The following CCBE1 variants were observed in gnomAD, a reference collection of about 807,000 sequenced individuals.
The protein encoded by CCBE1 is collagen and calcium binding EGF domains 1.
Under a neutral mutation model 50.0 loss-of-function variants are expected in CCBE1, and 37 were observed. The observed-to-expected ratio is 0.74, with a 90% CI of 0.57 to 0.97. The LOEUF (loss-of-function observed/expected upper bound fraction) is 0.97. Among genes scored for constraint, CCBE1 ranks in the 50% least tolerant of loss-of-function variants. The pLI is 0.00. For missense variants in CCBE1, 538 were observed against 523.8 expected (o/e 1.03, Z -0.26); for synonymous variants, 234 against 203.7 (o/e 1.15, Z -1.27).
chr18:59,655,075 G>A lies in CCBE1; in HGVS notation c.212+41554C>T, dbSNP rs1454297027. 8.8e-5 allele frequency among the ~76,000 whole-genome samples: 10 copies of A among 113,322 alleles called. No homozygotes were observed. In the East Asian group the frequency reaches 2.6e-3, roughly 29 times the overall value. 74.3% of individuals were successfully genotyped at this position (113,322 alleles called of 152,430 possible). A position where few individuals can be genotyped will look rare whatever the true frequency, so the allele number is the denominator to read the frequency against. On this transcript the variant is annotated intron_variant, in intron 2 of 10. Transcript: ENST00000439986. Reference sequence around the variant, plus strand: ...GCATTGCAGCCTGGGCGACACCACTGAGACTATGTCAAAAAAAAAAAAAAA... The same window carrying A: ...GCATTGCAGCCTGGGCGACACCACTAAGACTATGTCAAAAAAAAAAAAAAA...
rs768793994 is a variant in CCBE1 at position 59,534,035 on chromosome 18, G to A, written c.213-53797C>T. ...TTCCAAAGAAAAAAATTGACTTGGA[G>A]AATCCCCATAACCACCCTGTTCCTC... On this transcript the variant is annotated intron_variant, in intron 2 of 10. Transcript: ENST00000439986. Among the ~76,000 whole-genome samples the A allele has an allele frequency of 2.8e-4, 43 of 152,174 alleles. 1 individual carries two copies. The highest frequency in any genetic ancestry group is 5.4e-4 in the Non-Finnish European group (37 of 68,040).
chr18:59,504,790 C>T (rs1227882998), intron 2 of CCBE1, among the ~76,000 whole-genome samples: 2 of 152,092 alleles, frequency 1.3e-5, no homozygotes, highest in Admixed American at 6.6e-5. Context: ...TATTGATTTC[C>T]TCCTCCTCTT....
intron 2 of CCBE1, among the ~76,000 whole-genome samples, chr18:59,489,458 T>C (rs1598945639): frequency 6.6e-6 from 1 of 152,156 alleles, no homozygotes; most frequent in South Asian, 2.1e-4. Context: ...CTGTTACCCA[T>C]GCTGGAGTGC....
At chr18:59,680,687 A>G (rs1440593176) in intron 2 of CCBE1, among the ~76,000 whole-genome samples, 1 of 150,692 alleles carries the variant, frequency 6.6e-6, no homozygotes, top group Non-Finnish European at 1.5e-5. Context: ...AGACAGAGCG[A>G]GACTCCATCT....
In CCBE1 at chr18:59,687,237, C is replaced by T. The variant is rs544944362; in HGVS notation, c.212+9392G>A. On this transcript the variant is annotated intron_variant, in intron 2 of 10. Transcript: ENST00000439986. ...TGCCCTCCAATCTTCGAGGAAATAG[C>T]GCTAGACAAAAGAAGAGGGTTACAA... is the stretch of plus-strand genomic sequence containing the variant. 5.1e-4 allele frequency among the ~76,000 whole-genome samples: 77 copies of T among 152,322 alleles called. No homozygotes were observed. The South Asian group carries it at 0.015, about 30-fold the overall frequency.
rs1195101772 is a variant in CCBE1, at chr18:59,590,978, C to A, written c.212+105651G>T. Among the ~76,000 whole-genome samples the A allele has an allele frequency of 1.5e-4, 5 of 32,470 alleles. 1 individual carries two copies. The highest frequency in any genetic ancestry group is 4.3e-4 in the African/African-American group (1 of 2,344). 21.3% of individuals were successfully genotyped at this position (32,470 alleles called of 152,430 possible). A position where few individuals can be genotyped will look rare whatever the true frequency, so the allele number is the denominator to read the frequency against. On this transcript the variant is annotated intron_variant, in intron 2 of 10. Coordinates refer to ENST00000439986, the MANE Select transcript of CCBE1 (RefSeq NM_133459.4). Reference sequence around the variant, plus strand: ...CTGCTAAGTAGGCCGGGCGCGGTGGCTCACGCTTGTAATCCCAGCACTTTG... The same window carrying A: ...CTGCTAAGTAGGCCGGGCGCGGTGGATCACGCTTGTAATCCCAGCACTTTG...
chr18:59,553,084 G>T lies in CCBE1; in HGVS notation c.213-72846C>A, dbSNP rs375701593. Among the ~76,000 whole-genome samples, 47 of 152,258 alleles carry T rather than the reference G, an allele frequency of 3.1e-4. No homozygotes were observed. The East Asian group carries it at 7.1e-3, about 23-fold the overall frequency. On this transcript the variant is annotated intron_variant, in intron 2 of 10. Transcript: ENST00000439986. ...GGATGCACCACCACTAGCCACGCTG[G>T]TTATAGCCTGTGTACAGAAGGTTGC...
intron 2 of CCBE1, among the ~76,000 whole-genome samples, chr18:59,521,599 G>T (rs1056015631): frequency 6.6e-6 from 1 of 152,184 alleles, no homozygotes; most frequent in Admixed American, 6.5e-5. Flanking sequence ...GCCAGCCATA[G>T]ATTTTCCTTC....
chr18:59,442,045 C>T (rs1910453927), intron 7 of CCBE1, among the ~76,000 whole-genome samples: 1 of 152,170 alleles, frequency 6.6e-6, no homozygotes, highest in Admixed American at 6.5e-5. Flanking sequence ...GTCCCATCCT[C>T]CCTGAATAAA....
At chr18:59,551,991 C>A (rs903057782) in intron 2 of CCBE1, among the ~76,000 whole-genome samples, 1 of 151,970 alleles carries the variant, frequency 6.6e-6, no homozygotes, top group Non-Finnish European at 1.5e-5. Context: ...GGGCAACGCA[C>A]GCCTTGGCCA....
chr18:59,636,828 A>G (rs544384833), intron 2 of CCBE1, among the ~76,000 whole-genome samples: 30 of 152,368 alleles, frequency 2.0e-4, no homozygotes, highest in African/African-American at 7.2e-4. Flanking sequence ...AAAATAAACA[A>G]TAGTATCTAA....
chr18:59,579,862 A>AGC (rs2053056724), intron 2 of CCBE1, among the ~76,000 whole-genome samples: 1 of 152,158 alleles, frequency 6.6e-6, no homozygotes, highest in African/African-American at 2.4e-5. Flanking sequence ...GAACATACTG[A>AGC]GCCACCACCT....
At chr18:59,620,759 T>C (rs1336680757) in intron 2 of CCBE1, among the ~76,000 whole-genome samples, 2 of 152,194 alleles carry the variant, frequency 1.3e-5, no homozygotes, top group Non-Finnish European at 2.9e-5. Context: ...TCTTCTTCTG[T>C]CATGATTGTG....
rs79845943 is a variant in CCBE1, at chr18:59,643,325, C to T, written c.212+53304G>A. Reference sequence around the variant, plus strand: ...ACCATCGACACTATTTGAGCAAATGCTCCATTGATTTGAAGGCAATTTAGT... The same window carrying T: ...ACCATCGACACTATTTGAGCAAATGTTCCATTGATTTGAAGGCAATTTAGT... On this transcript the variant is annotated intron_variant, in intron 2 of 10. Coordinates refer to ENST00000439986, the MANE Select transcript of CCBE1 (RefSeq NM_133459.4). 8.4e-3 allele frequency among the ~76,000 whole-genome samples: 1,277 copies of T among 152,284 alleles called. 10 individuals carry two copies. Among genetic ancestry groups the T allele is most frequent in the East Asian group, 0.03 (157 of 5,182 alleles).
rs1911769737 is a variant in CCBE1, at chr18:59,466,790, C to T, written c.502G>A (p.Glu168Lys). The T allele has an allele frequency of 1.2e-6, 2 of 1,613,778 alleles. No homozygotes were observed. The highest frequency in any genetic ancestry group is 1.7e-5 in the Admixed American group (1 of 60,022). The change falls in exon 5 of 11, where the codon GAA becomes AAA. Residue 168 changes from glutamate to lysine, a missense_variant. By Grantham distance (56) the Glu-to-Lys change is moderately conservative. Transcript: ENST00000439986. ...RCECREGYIR[E>K]DDGKTCTRGD... ...CTGGTACATGTCTTCCCATCATCTT[C>T]CCGGATGTAGCCTTCCCGGCACTCG... is the stretch of plus-strand genomic sequence containing the variant.
chr18:59,450,913 T>G (rs996468375), intron 6 of CCBE1, among the ~76,000 whole-genome samples: 3 of 152,162 alleles, frequency 2.0e-5, no homozygotes, highest in African/African-American at 7.2e-5. Context: ...CACACATTAT[T>G]GAGAAGCCAT....
At position 59,440,138 on chromosome 18, in the gene CCBE1, A is replaced by C. The variant is rs115052289; in HGVS notation, c.776-322T>G. ...CTCCTGTGCATTTTACCTCTTTAAC[A>C]TCTCACAGCTGTCTGCTCCCTTCTA... On this transcript the variant is annotated intron_variant, in intron 7 of 10. Transcript: ENST00000439986. 3.3e-3 allele frequency among the ~76,000 whole-genome samples: 507 copies of C among 152,218 alleles called. 5 individuals carry two copies. Among genetic ancestry groups the C allele is most frequent in the African/African-American group, 0.012 (483 of 41,540 alleles).
At chr18:59,603,730 A>G (rs1452552778) in intron 2 of CCBE1, among the ~76,000 whole-genome samples, 1 of 152,208 alleles carries the variant, frequency 6.6e-6, no homozygotes, top group African/African-American at 2.4e-5. Context: ...AGACACACCA[A>G]TTTTATTTTA....
chr18:59,559,153 G>C (rs1224880147), intron 2 of CCBE1, among the ~76,000 whole-genome samples: 1 of 152,008 alleles, frequency 6.6e-6, no homozygotes, highest in African/African-American at 2.4e-5. Flanking sequence ...GTGGAAATAT[G>C]GGAGGCAGTA....
Sources: gnomAD v4.1 joint callset for allele counts (sites outside exome capture counted in the v4.1 genomes callset) on GRCh38, gnomAD v4.1.1 for gene constraint, MANE v1.5 for transcripts, NCBI Gene and HGNC (gene_info 2026-07-23, HGNC 2026-07-21) for gene names.